COX6B2: variants seen among roughly 807,000 people sequenced by gnomAD.
COX6B2 encodes the protein COX VIb-2.
COX6B2 carries 12 observed loss-of-function variants against 13.7 expected under a neutral mutation model. That is an observed-to-expected ratio of 0.87 (90% CI 0.56 to 1.41). The LOEUF (loss-of-function observed/expected upper bound fraction) is 1.41. Among genes scored for constraint, COX6B2 ranks in the 40% most tolerant of loss-of-function variants. COX6B2 has a pLI of 0.00. For missense variants in COX6B2, 130 were observed against 118.3 expected, an observed-to-expected ratio of 1.10 and a Z score of -0.46; for synonymous variants, 56 against 46.6, an observed-to-expected ratio of 1.20 and a Z score of -0.82.
At position 55,354,433 on chromosome 19, in the gene COX6B2, C is replaced by G; in HGVS notation, c.89G>C (p.Arg30Pro). 6.2e-7 allele frequency: 1 copy of G among 1,613,902 alleles called. No individual in the cohort carries two copies. The highest frequency in any genetic ancestry group is 8.5e-7 in the Non-Finnish European group (1 of 1,179,900). Residue 30 changes from arginine to proline, a missense_variant, in exon 2 of 5, where the codon CGT becomes CCT. By Grantham distance (103) the Arg-to-Pro change is moderately radical (BLOSUM62 -2). Transcript: ENST00000326529. ...DPRFPSQNQIRNCYQNFLDYH... is the reference protein window; with the variant it reads ...DPRFPSQNQIPNCYQNFLDYH... ...ACCCAGGAAGTTCTGGTAGCAGTTA[C>G]GGATCTGGTTCTGGCTGGGGAAGCG... is the stretch of plus-strand genomic sequence containing the variant.
At position 55,350,775 on chromosome 19, in the gene COX6B2, G is replaced by A. The variant is rs1412773159; in HGVS notation, c.*140C>T. 6.6e-6 allele frequency: 1 copy of A among 152,416 alleles called. No homozygotes were observed. Among genetic ancestry groups the A allele is most frequent in the Non-Finnish European group, 1.5e-5 (1 of 68,164 alleles). 9.4% of individuals were successfully genotyped at this position (152,416 alleles called of 1,614,324 possible). On this transcript the variant is annotated 3_prime_UTR_variant, in exon 5 of 5. Coordinates refer to ENST00000326529, the MANE Select transcript of COX6B2 (RefSeq NM_144613.5). The surrounding 1 kb of genome is among the most constrained non-coding windows in gnomAD (Gnocchi z 4.2). ...CATACACGTGGAGACCAGAGCAAGGGAAACAAGGAACTCGAAGGCTGGTGG... is the reference window on the plus strand; with the variant it reads ...CATACACGTGGAGACCAGAGCAAGGAAAACAAGGAACTCGAAGGCTGGTGG...
rs773924881 is a variant in COX6B2, at chr19:55,353,754, C to T, written c.234G>A (p.Gln78=). 23 of 1,610,304 alleles carry T rather than the reference C, an allele frequency of 1.4e-5. No individual in the cohort carries two copies. The South Asian group carries it at 2.3e-4, about 16-fold the overall frequency. ...TGCCGGCGAAAATCCCGTTCTTGAT[C>T]TGCTCGTTCCAGCTCTCCACCTGGG... ...PISWVESWNE[Q]IKNGIFAGKI is the part of the protein sequence containing the mutation. Residue 78 remains glutamine (Q), a synonymous_variant, in exon 4 of 5, where the codon CAG becomes CAA. Transcript: ENST00000326529.
Position 55,354,437 on chromosome 19 carries a change from TC to T in COX6B2, c.84del (p.Ile29SerfsTer98). 1 of 1,613,944 alleles carries T rather than the reference TC, an allele frequency of 6.2e-7. No individual in the cohort carries two copies. The highest frequency in any genetic ancestry group is 1.3e-5 in the African/African-American group (1 of 75,036). On this transcript the variant is annotated frameshift_variant, in exon 2 of 5. Coordinates refer to ENST00000326529, the MANE Select transcript of COX6B2 (RefSeq NM_144613.5). LOFTEE classifies it high-confidence loss of function. The stretch of plus-strand genomic sequence containing the variant: ...AGGAAGTTCTGGTAGCAGTTACGGA[TC>T]TGGTTCTGGCTGGGGAAGCGCGGGT... ...PFDPRFPSQN[Q>X]IRNCYQNFLD...
intron 2 of COX6B2, 49 bp from the exon 3 acceptor site, chr19:55,354,015 G>C: frequency 6.9e-7 from 1 of 1,439,390 alleles, no homozygotes; most frequent in Non-Finnish European, 9.3e-7. Context: ...TCCAGGACAG[G>C]ACCCGCCCCT....
intron 1 of COX6B2, 43 bp from the exon 2 acceptor site, chr19:55,354,582 G>T: frequency 7.8e-7 from 1 of 1,276,164 alleles, no homozygotes. Flanking sequence ...GGCCGAGGGG[G>T]CGCCCTCGCT....
At position 55,354,499 on chromosome 19, in the gene COX6B2, T is replaced by C; in HGVS notation, c.23A>G (p.Glu8Gly). The C allele has an allele frequency of 6.2e-7, 1 of 1,612,742 alleles. No individual in the cohort carries two copies. Among genetic ancestry groups the C allele is most frequent in the Non-Finnish European group, 8.5e-7 (1 of 1,179,132 alleles). MLDVEAQ[E>G]PPKGKWSTPP... The stretch of plus-strand genomic sequence containing the variant: ...CGTCGACCATTTCCCCTTGGGGGGC[T>C]CCTGGGCTTCCACATCCAACATCCA... The change falls in exon 2 of 5, where the codon GAG becomes GGG. Residue 8 changes from glutamate to glycine, a missense_variant. Glu to Gly is a moderately conservative substitution (Grantham distance 98). Coordinates refer to ENST00000326529, the MANE Select transcript of COX6B2 (RefSeq NM_144613.5).
intron 4 of COX6B2, chr19:55,353,386 T>C (rs1037942687): frequency 2.1e-5 from 9 of 432,718 alleles, no homozygotes; most frequent in East Asian, 1.5e-4. Flanking sequence ...ACGCGAGGCA[T>C]CTACCTGCTG....
rs1179832361 is a variant in COX6B2 at position 55,352,362 on chromosome 19, T to C, written c.*114+1245A>G. ...TGGAGGGCAGGTGATGGACAGGTCA[T>C]CATGGGGCAGGGAGCAGGATGGAGT... On this transcript the variant is annotated intron_variant, in intron 4 of 4. Coordinates refer to ENST00000326529, the MANE Select transcript of COX6B2 (RefSeq NM_144613.5). The surrounding 1 kb of genome is among the most constrained non-coding windows in gnomAD (Gnocchi z 6.2). 6.6e-6 allele frequency: 1 copy of C among 152,214 alleles called. No homozygotes were observed. The highest frequency in any genetic ancestry group is 1.5e-5 in the Non-Finnish European group (1 of 68,146). The allele number at this position is 152,214 out of a possible 1,614,324, so 9.4% of individuals were successfully genotyped here. A position where few individuals can be genotyped will look rare whatever the true frequency, so the allele number is the denominator to read the frequency against.
At chr19:55,351,189 GT>G (rs1310839934) in intron 4 of COX6B2, among the ~76,000 whole-genome samples, 2 of 152,170 alleles carry the variant, frequency 1.3e-5, no homozygotes, top group Non-Finnish European at 2.9e-5. Context: ...TGCTTTATAT[GT>G]TTTCACATCG....
In COX6B2 at chr19:55,354,447, G is replaced by C. The variant is rs762870786; in HGVS notation, c.75C>G (p.Ser25Arg). 3.7e-6 allele frequency: 6 copies of C among 1,613,894 alleles called. No individual in the cohort carries two copies. The highest frequency in any genetic ancestry group is 1.7e-4 in the Middle Eastern group (1 of 5,980). ...STPPFDPRFP[S>R]QNQIRNCYQN... Reference sequence around the variant, plus strand: ...GGTAGCAGTTACGGATCTGGTTCTGGCTGGGGAAGCGCGGGTCGAAGGGCG... The same window carrying C: ...GGTAGCAGTTACGGATCTGGTTCTGCCTGGGGAAGCGCGGGTCGAAGGGCG... The change falls in exon 2 of 5, where the codon AGC (serine) becomes AGG (arginine). Residue 25 changes from serine to arginine, a missense_variant. Physicochemically the swap from Ser to Arg is moderately radical, Grantham distance 110. Transcript: ENST00000326529.
chr19:55,353,981 G>T lies in COX6B2; in HGVS notation c.113-15C>A. The T allele has an allele frequency of 6.5e-7, 1 of 1,537,316 alleles. No homozygotes were observed. The highest frequency in any genetic ancestry group is 2.4e-5 in the East Asian group (1 of 40,858). The stretch of plus-strand genomic sequence containing the variant: ...GCGGTGGTAGTCTGTGGCGGGCGGG[G>T]GTCACGCGGCAAGCCACGCCCATTC... On this transcript the variant is annotated splice_polypyrimidine_tract_variant and intron_variant, in intron 2 of 4. Transcript: ENST00000326529.
At position 55,354,463 on chromosome 19, in the gene COX6B2, TC is replaced by T; in HGVS notation, c.58del (p.Asp20ThrfsTer107). 1 of 1,613,696 alleles carries T rather than the reference TC, an allele frequency of 6.2e-7. No homozygotes were observed. ...CTGGTTCTGGCTGGGGAAGCGCGGG[TC>T]GAAGGGCGGCGTCGACCATTTCCCC... ...PKGKWSTPPFDPRFPSQNQIR... is the reference protein window; with the variant it reads ...PKGKWSTPPFXPRFPSQNQIR... On this transcript the variant is annotated frameshift_variant, in exon 2 of 5. Coordinates refer to ENST00000326529, the MANE Select transcript of COX6B2 (RefSeq NM_144613.5). LOFTEE classifies it high-confidence loss of function.
intron 2 of COX6B2, 196 bp downstream of exon 2, chr19:55,354,214 G>GCCTCGCCCCTACCAA (rs1184619573): frequency 1.1e-5 from 7 of 646,272 alleles, no homozygotes; most frequent in African/African-American, 5.5e-5. Context: ...TCCAGATCAG[G>GCCTCGCCCCTACCAA]CCTCGCCCCT....
At position 55,350,357 on chromosome 19, in the gene COX6B2, C is replaced by A. The variant is rs924071049; in HGVS notation, c.*558G>T. ...ACCTTGCCTGATGTCCCCATGGCGG[C>A]CAAAGTCAGCTTCTGGCTTGAGCTG... On this transcript the variant is annotated 3_prime_UTR_variant, in exon 5 of 5. Coordinates refer to ENST00000326529, the MANE Select transcript of COX6B2 (RefSeq NM_144613.5). The surrounding 1 kb of genome is among the most constrained non-coding windows in gnomAD (Gnocchi z 4.2). 4.6e-5 allele frequency: 7 copies of A among 152,370 alleles called. No homozygotes were observed. The highest frequency in any genetic ancestry group is 1.7e-4 in the African/African-American group (7 of 41,446). 9.4% of individuals were successfully genotyped at this position (152,370 alleles called of 1,614,324 possible). A position where few individuals can be genotyped will look rare whatever the true frequency, so the allele number is the denominator to read the frequency against.
In COX6B2 at chr19:55,353,896, GC is replaced by G; in HGVS notation, c.182del (p.Arg61ProfsTer66). The G allele has an allele frequency of 6.4e-7, 1 of 1,571,246 alleles. No homozygotes were observed. Among genetic ancestry groups the G allele is most frequent in the Non-Finnish European group, 8.6e-7 (1 of 1,159,430 alleles). ...KSTQPCEYYFRVYHSLCPISW... is the reference protein window; with the variant it reads ...KSTQPCEYYFXVYHSLCPISW... ...TGATGGGGCACAGCGAGTGGTACAC[GC>G]GGAAATAGTACTCGCAGGGCTGCGT... On this transcript the variant is annotated frameshift_variant, in exon 3 of 5. Coordinates refer to ENST00000326529, the MANE Select transcript of COX6B2 (RefSeq NM_144613.5). LOFTEE classifies it high-confidence loss of function.
At chr19:55,353,562 G>A in intron 4 of COX6B2, 45 bp downstream of exon 4, 1 of 701,604 alleles carries the variant, frequency 1.4e-6, no homozygotes, top group Non-Finnish European at 2.4e-6. Flanking sequence ...CCACCACGAC[G>A]CATCGCTGGC....
Position 55,353,753 on chromosome 19 carries a change from T to G in COX6B2, c.235A>C (p.Ile79Leu), listed in dbSNP as rs1000147287. 6.2e-7 allele frequency: 1 copy of G among 1,610,512 alleles called. No individual in the cohort carries two copies. Among genetic ancestry groups the G allele is most frequent in the East Asian group, 2.2e-5 (1 of 44,778 alleles). Residue 79 changes from isoleucine to leucine, a missense_variant, in exon 4 of 5, where the codon ATC becomes CTC. Physicochemically the swap from Ile to Leu is conservative, Grantham distance 5. Coordinates refer to ENST00000326529, the MANE Select transcript of COX6B2 (RefSeq NM_144613.5). Reference protein sequence around the residue: ...ISWVESWNEQIKNGIFAGKI With the variant: ...ISWVESWNEQLKNGIFAGKI Reference sequence around the variant, plus strand: ...TTGCCGGCGAAAATCCCGTTCTTGATCTGCTCGTTCCAGCTCTCCACCTGG... The same window carrying G: ...TTGCCGGCGAAAATCCCGTTCTTGAGCTGCTCGTTCCAGCTCTCCACCTGG...
At position 55,354,555 on chromosome 19, in the gene COX6B2, G is replaced by A. The variant is rs369158105; in HGVS notation, c.-18-16C>T. On this transcript the variant is annotated splice_polypyrimidine_tract_variant and intron_variant, in intron 1 of 4. Coordinates refer to ENST00000326529, the MANE Select transcript of COX6B2 (RefSeq NM_144613.5). ...GAGGCAACTCCTGCGAGACGGGACG[G>A]GACGGGGACTCCGTGGGGCCGAGGG... is the stretch of plus-strand genomic sequence containing the variant. The A allele has an allele frequency of 2.0e-6, 3 of 1,508,642 alleles. No individual in the cohort carries two copies. The highest frequency in any genetic ancestry group is 1.7e-5 in the Admixed American group (1 of 57,934). 93.5% of individuals were successfully genotyped at this position (1,508,642 alleles called of 1,614,324 possible). A position where few individuals can be genotyped will look rare whatever the true frequency, so the allele number is the denominator to read the frequency against.
In COX6B2 at chr19:55,352,326, C is replaced by G. The variant is rs1025485238; in HGVS notation, c.*114+1281G>C. The G allele has an allele frequency of 6.6e-6, 1 of 152,204 alleles. No individual in the cohort carries two copies. The highest frequency in any genetic ancestry group is 1.5e-5 in the Non-Finnish European group (1 of 68,116). 9.4% of individuals were successfully genotyped at this position (152,204 alleles called of 1,614,324 possible). A position where few individuals can be genotyped will look rare whatever the true frequency, so the allele number is the denominator to read the frequency against. ...GGGGGATGGCTCATCTAGGGTGTGT[C>G]CTGGGCAGCATGGAGGGCAGGTGAT... On this transcript the variant is annotated intron_variant, in intron 4 of 4. Coordinates refer to ENST00000326529, the MANE Select transcript of COX6B2 (RefSeq NM_144613.5). This position sits in a 1 kb window ranked among gnomAD's most constrained non-coding sequence, Gnocchi z 6.2.
Sources: allele counts gnomAD v4.1 joint callset (sites outside exome capture counted in the v4.1 genomes callset), GRCh38; gene constraint gnomAD v4.1.1; non-coding constraint Gnocchi (gnomAD v3.1); transcripts MANE v1.5; gene names NCBI Gene and HGNC (gene_info 2026-07-23, HGNC 2026-07-21).